KCNK17: variants seen among roughly 807,000 people sequenced by gnomAD.
KCNK17 encodes the protein potassium channel subfamily K member 17.
In KCNK17, 27 loss-of-function variants were observed where a neutral mutation model predicts 24.6. That is an observed-to-expected ratio of 1.10 (90% CI 0.81 to 1.51). The LOEUF is 1.51. Ranked by LOEUF, KCNK17 falls within the 40% of genes most tolerant of loss-of-function variation. The pLI, the probability that KCNK17 is intolerant of heterozygous loss-of-function variation, is 0.00. For synonymous variants in KCNK17, 181 were observed against 189.8 expected (o/e 0.95, Z 0.38); for missense variants, 450 against 436.6 (o/e 1.03, Z -0.27).
rs1380084550 is a variant in KCNK17 at position 39,304,603 on chromosome 6, G to A, written c.405C>T (p.Phe135=). 2 of 1,613,912 alleles carry A rather than the reference G, an allele frequency of 1.2e-6. No homozygotes were observed. The change falls in exon 3 of 5, where the codon TTC becomes TTT. Residue 135 remains phenylalanine, a synonymous_variant. Coordinates refer to ENST00000373231, the MANE Select transcript of KCNK17 (RefSeq NM_031460.4). ...NTMAARLFCI[F]FALVGIPLNL... ...TGAGTGGGATCCCCACAAGGGCAAA[G>A]AAGATGCAGAAGAGGCGGGCAGCCA...
chr6:39,312,379 TG>T (rs1762155153), intron 1 of KCNK17, among the ~76,000 whole-genome samples: 1 of 146,376 alleles, frequency 6.8e-6, no homozygotes. Context: ...GGGGGTGAGG[TG>T]GGGGTGGAGG....
chr6:39,300,758 T>C (rs1761939723), intron 4 of KCNK17, among the ~76,000 whole-genome samples: 1 of 152,184 alleles, frequency 6.6e-6, no homozygotes, highest in African/African-American at 2.4e-5. Context: ...CCATCTATCA[T>C]TCTTTCTGCC....
In KCNK17 at chr6:39,299,697, G is replaced by T. The variant is rs1761918102; in HGVS notation, c.729C>A (p.Asn243Lys). 1 of 1,614,070 alleles carries T rather than the reference G, an allele frequency of 6.2e-7. No individual in the cohort carries two copies. The highest frequency in any genetic ancestry group is 8.5e-7 in the Non-Finnish European group (1 of 1,180,032). ...CAAAGAGGATCCACAGGGACACCAT[G>T]TTCTTGTACCACAGTGGGTACCTCT... ...PSQRYPLWYKNMVSLWILFGM... is the reference protein window; with the variant it reads ...PSQRYPLWYKKMVSLWILFGM... The change falls in exon 5 of 5, where the codon AAC becomes AAA. Residue 243 changes from asparagine to lysine, a missense_variant. Asn to Lys is a moderately conservative substitution (Grantham distance 94). Coordinates refer to ENST00000373231, the MANE Select transcript of KCNK17 (RefSeq NM_031460.4).
At chr6:39,309,738 C>A (rs1762097706) in intron 2 of KCNK17, among the ~76,000 whole-genome samples, 1 of 152,150 alleles carries the variant, frequency 6.6e-6, no homozygotes, top group South Asian at 2.1e-4. Context: ...TCAATACATG[C>A]CTGGTGAATG....
Position 39,303,937 on chromosome 6 carries a change from C to T in KCNK17, c.688+20G>A. On this transcript the variant is annotated intron_variant, in intron 4 of 4. Coordinates refer to ENST00000373231, the MANE Select transcript of KCNK17 (RefSeq NM_031460.4). ...AGGCAGCCGAATGTCCCCGCCAGCC[C>T]AACCGCCAGGAACTCTCACCAATCA... The T allele has an allele frequency of 1.2e-6, 2 of 1,607,044 alleles. No homozygotes were observed. Among genetic ancestry groups the T allele is most frequent in the Non-Finnish European group, 1.7e-6 (2 of 1,178,272 alleles).
chr6:39,299,456 G>A lies in KCNK17; in HGVS notation c.970C>T (p.His324Tyr), dbSNP rs140036811. Residue 324 changes from histidine (H) to tyrosine (Y), a missense_variant, in exon 5 of 5, where the codon CAC (histidine) becomes TAC (tyrosine). By Grantham distance (83) the His-to-Tyr change is moderately conservative (BLOSUM62 2). Coordinates refer to ENST00000373231, the MANE Select transcript of KCNK17 (RefSeq NM_031460.4). ...GIIQHLEPSA[H>Y]AAGCGKDS ...CTGTCCTTGCCACAGCCTGCAGCGT[G>A]AGCAGAAGGTTCCAGATGCTGTATG... 5.6e-6 allele frequency: 9 copies of A among 1,613,844 alleles called. No homozygotes were observed. Among genetic ancestry groups the A allele is most frequent in the Middle Eastern group, 1.6e-4 (1 of 6,084 alleles).
At chr6:39,306,542 C>T (rs1440428642) in intron 2 of KCNK17, among the ~76,000 whole-genome samples, 2 of 152,158 alleles carry the variant, frequency 1.3e-5, no homozygotes, top group East Asian at 3.8e-4. Flanking sequence ...TCTTGCTTGC[C>T]CAGATGGGGT....
chr6:39,304,201 A>C (rs1185553873), intron 3 of KCNK17, 70 bp from the exon 4 acceptor site: 1 of 1,464,790 alleles, frequency 6.8e-7, no homozygotes, highest in Non-Finnish European at 9.3e-7. Context: ...AGGGAGCTGG[A>C]GGCAGGCCAG....
At chr6:39,311,100 A>G (rs989537080) in intron 1 of KCNK17, 93 bp from the exon 2 acceptor site, 1 of 608,164 alleles carries the variant, frequency 1.6e-6, no homozygotes, top group African/African-American at 2.0e-5. Context: ...ACACACACAC[A>G]CACACACACA....
At chr6:39,310,749 A>T (rs1429623364) in intron 2 of KCNK17, 144 bp downstream of exon 2, 2 of 589,282 alleles carry the variant, frequency 3.4e-6, no homozygotes, top group Non-Finnish European at 6.0e-6. Flanking sequence ...GACTGCTCCC[A>T]GGCGGTGTCC....
chr6:39,308,186 G>A (rs1762068620), intron 2 of KCNK17, among the ~76,000 whole-genome samples: 1 of 152,156 alleles, frequency 6.6e-6, no homozygotes, highest in African/African-American at 2.4e-5. Flanking sequence ...CCAAGGGCTG[G>A]GACTTGCTAA....
chr6:39,304,806 G>A, intron 2 of KCNK17, 151 bp from the exon 3 acceptor site: 1 of 802,886 alleles, frequency 1.2e-6, no homozygotes, highest in South Asian at 1.7e-5. Flanking sequence ...CTCCTTTTCT[G>A]TGCTGGGCAC....
chr6:39,305,885 A>G (rs529892295), intron 2 of KCNK17, among the ~76,000 whole-genome samples: 2 of 151,952 alleles, frequency 1.3e-5, no homozygotes, highest in South Asian at 4.2e-4. Flanking sequence ...ATAAATATAA[A>G]TGACCCTTCC....
Position 39,304,002 on chromosome 6 carries a change from C to A in KCNK17, c.643G>T (p.Ala215Ser), listed in dbSNP as rs144253577. The change falls in exon 4 of 5, where the codon GCC becomes TCC. Residue 215 changes from alanine to serine, a missense_variant. Transcript: ENST00000373231. ...GWSYTEGFYF[A>S]FITLSTVGFG... Reference sequence around the variant, plus strand: ...CCCACGGTGCTGAGGGTGATGAAGGCGAAGTAGAAGCCCTCTGTGTAGCTC... The same window carrying A: ...CCCACGGTGCTGAGGGTGATGAAGGAGAAGTAGAAGCCCTCTGTGTAGCTC... 2.2e-5 allele frequency: 36 copies of A among 1,613,632 alleles called. No individual in the cohort carries two copies. The highest frequency in any genetic ancestry group is 3.1e-5 in the Non-Finnish European group (36 of 1,180,006).
intron 1 of KCNK17, among the ~76,000 whole-genome samples, chr6:39,311,648 T>G (rs1159833141): frequency 2.0e-5 from 3 of 152,208 alleles, no homozygotes; most frequent in African/African-American, 7.2e-5. Flanking sequence ...GTTGCTATAT[T>G]GCCTATATGC....
intron 2 of KCNK17, among the ~76,000 whole-genome samples, chr6:39,309,872 C>T (rs1205999590): frequency 6.6e-6 from 1 of 152,206 alleles, no homozygotes; most frequent in African/African-American, 2.4e-5. Flanking sequence ...TTCAGGGGCT[C>T]AGGGCCGCTG....
chr6:39,299,360 G>A lies in KCNK17; in HGVS notation c.*67C>T. On this transcript the variant is annotated 3_prime_UTR_variant, in exon 5 of 5. Coordinates refer to ENST00000373231, the MANE Select transcript of KCNK17 (RefSeq NM_031460.4). The stretch of plus-strand genomic sequence containing the variant: ...GGAAAATGTAGTCTTTAGTTTGGGT[G>A]GACATGTGCAAAGCTTAAAATCAGG... 8.1e-7 allele frequency: 1 copy of A among 1,230,676 alleles called. No homozygotes were observed. The highest frequency in any genetic ancestry group is 1.1e-6 in the Non-Finnish European group (1 of 870,546). 76.2% of individuals were successfully genotyped at this position (1,230,676 alleles called of 1,614,324 possible). A position where few individuals can be genotyped will look rare whatever the true frequency, so the allele number is the denominator to read the frequency against.
intron 4 of KCNK17, among the ~76,000 whole-genome samples, chr6:39,303,331 T>C (rs1761975093): frequency 6.6e-6 from 1 of 152,144 alleles, no homozygotes. Context: ...GCGCAGCCAC[T>C]CCGCCACGGC....
rs932325316 is a variant in KCNK17 at position 39,307,441 on chromosome 6, C to T, written c.353-2786G>A. ...CGAGGTAAACCTCTTACTTTCCACC[C>T]ACCTCTCTGCCTGCCTCCTCACCAA... On this transcript the variant is annotated intron_variant, in intron 2 of 4. Transcript: ENST00000373231. Among the ~76,000 whole-genome samples, 4 of 152,210 alleles carry T rather than the reference C, an allele frequency of 2.6e-5. No individual in the cohort carries two copies. The East Asian group carries it at 7.7e-4, about 29-fold the overall frequency.
Sources: allele counts gnomAD v4.1 joint callset (sites outside exome capture counted in the v4.1 genomes callset), GRCh38; gene constraint gnomAD v4.1.1; transcripts MANE v1.5; gene names NCBI Gene and HGNC (gene_info 2026-07-23, HGNC 2026-07-21).